Variants in NBAS observed in about 807,000 individuals in gnomAD.
NBAS encodes NAG/BC035112 fusion.
A neutral mutation model predicts 302.5 loss-of-function variants in NBAS; 219 were observed. The observed-to-expected ratio is 0.72, with a 90% CI of 0.65 to 0.81. The LOEUF (loss-of-function observed/expected upper bound fraction) is 0.81. Ranked by LOEUF, NBAS falls within the 30% of genes least tolerant of loss-of-function variation. The pLI, the probability that NBAS is intolerant of heterozygous loss-of-function variation, is 0.00. For missense variants in NBAS, 2,932 were observed against 2,841.6 expected (o/e 1.03, Z -0.72); for synonymous variants, 1,118 against 1,021.6 (o/e 1.09, Z -1.80).
chr2:15,390,590 T>C (rs1399227025), intron 28 of NBAS, among the ~76,000 whole-genome samples: 1 of 131,178 alleles, frequency 7.6e-6, no homozygotes, highest in Non-Finnish European at 1.7e-5. Flanking sequence ...GAGTAGATTT[T>C]AGCTGCTCCT....
At chr2:14,978,787 C>A in the NBAS span, among the ~76,000 whole-genome samples, 1 of 152,324 alleles carries the variant, frequency 6.6e-6, no homozygotes, top group South Asian at 2.1e-4. Flanking sequence ...TAAAACCCAG[C>A]CTTTGCAACA....
At chr2:14,785,999 G>T in the NBAS span, among the ~76,000 whole-genome samples, 21 of 151,766 alleles carry the variant, frequency 1.4e-4, no homozygotes, top group South Asian at 1.2e-3. Context: ...CAATTTCAGA[G>T]CCTGTTATTG....
At chr2:15,270,627 C>T (rs902981799) in intron 44 of NBAS, among the ~76,000 whole-genome samples, 12 of 152,090 alleles carry the variant, frequency 7.9e-5, no homozygotes, top group African/African-American at 2.9e-4. Context: ...GTATAAAGTA[C>T]CTACTTTATA....
chr2:15,445,546 C>T (rs1046937892), intron 21 of NBAS, among the ~76,000 whole-genome samples: 9 of 150,184 alleles, frequency 6.0e-5, no homozygotes, highest in Admixed American at 4.0e-4. Flanking sequence ...GGGAGATATA[C>T]CTAATGCTAG....
chr2:15,289,088 A>AT lies in NBAS; in HGVS notation c.5028-1906dup, dbSNP rs558910940. 2.0e-5 allele frequency among the ~76,000 whole-genome samples: 3 copies of AT among 151,928 alleles called. No homozygotes were observed. The South Asian group carries it at 6.2e-4, about 32-fold the overall frequency. ...AATTCTTATTTTTTATTTATTTTTTATTTTTTGCGACAGGGTCTTTCTCTG... is the reference window on the plus strand; with the variant it reads ...AATTCTTATTTTTTATTTATTTTTTATTTTTTTGCGACAGGGTCTTTCTCTG... On this transcript the variant is annotated intron_variant, in intron 41 of 51. Transcript: ENST00000281513.
chr2:14,975,953 A>G, the NBAS span, among the ~76,000 whole-genome samples: 3 of 152,156 alleles, frequency 2.0e-5, no homozygotes, highest in African/African-American at 4.8e-5. Context: ...TGATGGAATA[A>G]CTGGTACTGA....
At chr2:15,519,044 C>T (rs926848848) in intron 9 of NBAS, among the ~76,000 whole-genome samples, 3 of 152,082 alleles carry the variant, frequency 2.0e-5, no homozygotes, top group Non-Finnish European at 4.4e-5. Context: ...TACTCTTCAA[C>T]CTCAAATTTT....
At chr2:15,480,643 A>G (rs1440505538) in intron 12 of NBAS, among the ~76,000 whole-genome samples, 2 of 152,150 alleles carry the variant, frequency 1.3e-5, no homozygotes, top group African/African-American at 4.8e-5. Flanking sequence ...TGAATAAAGG[A>G]AAACATTCCA....
the NBAS span, among the ~76,000 whole-genome samples, chr2:14,988,619 C>T: frequency 6.6e-6 from 1 of 151,912 alleles, no homozygotes; most frequent in Admixed American, 6.6e-5. Flanking sequence ...GTAAACAAGC[C>T]AAAAATATCA....
rs551137439 is a variant in NBAS, at chr2:15,368,889, C to T, written c.3704-2196G>A. On this transcript the variant is annotated intron_variant, in intron 31 of 51. Coordinates refer to ENST00000281513, the MANE Select transcript of NBAS (RefSeq NM_015909.4). ...GTGCTGCGGCTAACCAAAGTGGACA[C>T]GATTGTGAGCAAGGAATAAGCCTGT... is the stretch of plus-strand genomic sequence containing the variant. 1.2e-4 allele frequency among the ~76,000 whole-genome samples: 19 copies of T among 152,244 alleles called. 1 individual carries two copies. In the South Asian group the frequency reaches 1.4e-3, roughly 12 times the overall value.
chr2:15,145,876 C>T, the NBAS span, among the ~76,000 whole-genome samples: 3 of 152,048 alleles, frequency 2.0e-5, no homozygotes, highest in Admixed American at 1.3e-4. Flanking sequence ...GATGCATGCT[C>T]GAAGTTGAGA....
the NBAS span, among the ~76,000 whole-genome samples, chr2:15,034,321 A>C: frequency 1.2e-3 from 181 of 148,172 alleles, 3 homozygotes; most frequent in Non-Finnish European, 2.2e-3. Context: ...AGAGGGAAGG[A>C]AGGCAGGCAG....
the NBAS span, among the ~76,000 whole-genome samples, chr2:15,037,433 G>GT: frequency 6.6e-6 from 1 of 151,560 alleles, no homozygotes. Flanking sequence ...CGCAAGGCGG[G>GT]GTACTACAAC....
At chr2:15,323,228 C>G (rs1671903860) in intron 38 of NBAS, among the ~76,000 whole-genome samples, 1 of 152,108 alleles carries the variant, frequency 6.6e-6, no homozygotes. Flanking sequence ...GTTCACTGGC[C>G]CAATGACTCC....
At chr2:15,025,841 T>G in the NBAS span, among the ~76,000 whole-genome samples, 2 of 152,206 alleles carry the variant, frequency 1.3e-5, no homozygotes, top group Non-Finnish European at 2.9e-5. Flanking sequence ...TAAAGTTGCT[T>G]ATCAGCTCAA....
intron 42 of NBAS, among the ~76,000 whole-genome samples, chr2:15,282,327 G>A (rs1409140317): frequency 2.0e-5 from 3 of 152,176 alleles, no homozygotes; most frequent in Admixed American, 1.3e-4. Context: ...TCTTTACAGT[G>A]TAGCAACCCG....
chr2:14,803,376 C>T, the NBAS span, among the ~76,000 whole-genome samples: 1 of 152,172 alleles, frequency 6.6e-6, no homozygotes, highest in African/African-American at 2.4e-5. Flanking sequence ...GGGGCTCTCT[C>T]TCTTTGTGCA....
intron 48 of NBAS, among the ~76,000 whole-genome samples, chr2:15,190,776 C>T (rs1425071620): frequency 6.6e-6 from 1 of 152,166 alleles, no homozygotes; most frequent in Non-Finnish European, 1.5e-5. Flanking sequence ...GTTATCCCAA[C>T]ATGAAATCCT....
chr2:15,128,050 A>C, the NBAS span, among the ~76,000 whole-genome samples: 5 of 152,168 alleles, frequency 3.3e-5, no homozygotes, highest in Admixed American at 2.6e-4. Flanking sequence ...CTGCTGGGGA[A>C]GTGTATAAAC....
Sources: allele counts gnomAD v4.1 joint callset (sites outside exome capture counted in the v4.1 genomes callset), GRCh38; gene constraint gnomAD v4.1.1; transcripts MANE v1.5; gene names NCBI Gene and HGNC (gene_info 2026-07-23, HGNC 2026-07-21).